Variants in CYP20A1 observed in about 807,000 individuals in gnomAD.
CYP20A1 encodes the protein cytochrome P450 family 20 subfamily A member 1, also known as cytochrome P450 20A1.
A neutral mutation model predicts 61.4 loss-of-function variants in CYP20A1; 61 were observed. The observed-to-expected ratio is 0.99, with a 90% CI of 0.81 to 1.23. The LOEUF (loss-of-function observed/expected upper bound fraction) is 1.23, where lower values mean the gene tolerates loss of function less well. Among genes scored for constraint, CYP20A1 ranks in the 50% most tolerant of loss-of-function variants. CYP20A1 has a pLI of 0.00. For missense variants in CYP20A1, 530 were observed against 542.4 expected, an observed-to-expected ratio of 0.98 and a Z score of 0.23; for synonymous variants, 193 against 188.2, an observed-to-expected ratio of 1.03 and a Z score of -0.21.
In CYP20A1 at chr2:203,301,366, ACCT is replaced by A. The variant is rs1030531513; in HGVS notation, c.*4460_*4462del. ...CCACCTCCTGGGCTCCAGCGATCTC[ACCT>A]CAGCCTCTAGAATAGCTGGGACTAC... On this transcript the variant is annotated 3_prime_UTR_variant, in exon 13 of 13. Coordinates refer to ENST00000356079, the MANE Select transcript of CYP20A1 (RefSeq NM_177538.3). Among the ~76,000 whole-genome samples, 3 of 150,384 alleles carry A rather than the reference ACCT, an allele frequency of 2.0e-5. No individual in the cohort carries two copies. The highest frequency in any genetic ancestry group is 7.4e-5 in the African/African-American group (3 of 40,812).
chr2:203,255,468 G>A (rs915744929), intron 4 of CYP20A1, among the ~76,000 whole-genome samples: 1 of 152,112 alleles, frequency 6.6e-6, no homozygotes, highest in African/African-American at 2.4e-5. Context: ...TTTGAGATTT[G>A]TATTGGTTTA....
intron 10 of CYP20A1, among the ~76,000 whole-genome samples, chr2:203,291,563 C>A (rs2068533445): frequency 6.6e-6 from 1 of 152,030 alleles, no homozygotes; most frequent in African/African-American, 2.4e-5. Flanking sequence ...ATAACTTTCA[C>A]TCATTTTTCT....
chr2:203,287,106 C>T (rs771824651), intron 9 of CYP20A1, among the ~76,000 whole-genome samples: 4 of 148,720 alleles, frequency 2.7e-5, no homozygotes, highest in Admixed American at 6.9e-5. Context: ...GTAGTCCTAG[C>T]TACTCAGGAG....
In CYP20A1 at chr2:203,301,683, G is replaced by A. The variant is rs1333053282; in HGVS notation, c.*4775G>A. The stretch of plus-strand genomic sequence containing the variant: ...GGAAAATTAAAAAAACTTACATAGT[G>A]CTTATTTGGCCCACAAAAGTACAGT... On this transcript the variant is annotated 3_prime_UTR_variant, in exon 13 of 13. Coordinates refer to ENST00000356079, the MANE Select transcript of CYP20A1 (RefSeq NM_177538.3). Among the ~76,000 whole-genome samples, 1 of 151,954 alleles carries A rather than the reference G, an allele frequency of 6.6e-6. No individual in the cohort carries two copies. The highest frequency in any genetic ancestry group is 2.4e-5 in the African/African-American group (1 of 41,374).
intron 10 of CYP20A1, among the ~76,000 whole-genome samples, chr2:203,290,327 A>G (rs112871427): frequency 6.6e-6 from 1 of 152,224 alleles, no homozygotes; most frequent in Admixed American, 6.5e-5. Context: ...TTACAAAATA[A>G]TATGTGCTTG....
rs1476852969 is a variant in CYP20A1 at position 203,304,052 on chromosome 2, T to G, written c.*7144T>G. Among the ~76,000 whole-genome samples the G allele has an allele frequency of 6.6e-6, 1 of 151,664 alleles. No homozygotes were observed. Among genetic ancestry groups the G allele is most frequent in the Non-Finnish European group, 1.5e-5 (1 of 67,934 alleles). The stretch of plus-strand genomic sequence containing the variant: ...CTGGCCAACATGGGGAAACCGCATC[T>G]CTACTAAAAATACAAAAATTAGTGG... On this transcript the variant is annotated 3_prime_UTR_variant, in exon 13 of 13. Coordinates refer to ENST00000356079, the MANE Select transcript of CYP20A1 (RefSeq NM_177538.3).
intron 7 of CYP20A1, among the ~76,000 whole-genome samples, chr2:203,279,325 A>C (rs2067952869): frequency 6.6e-6 from 1 of 152,188 alleles, no homozygotes; most frequent in Non-Finnish European, 1.5e-5. Context: ...TCTATTATTT[A>C]GCTCTTTGAG....
chr2:203,255,214 C>T (rs1345434924), intron 4 of CYP20A1, among the ~76,000 whole-genome samples: 1 of 152,126 alleles, frequency 6.6e-6, no homozygotes. Flanking sequence ...TACCTCTTGG[C>T]AGTCTGATGA....
chr2:203,304,072 TAGTG>T lies in CYP20A1; in HGVS notation c.*7165_*7168del, dbSNP rs2069128787. Among the ~76,000 whole-genome samples the T allele has an allele frequency of 1.3e-5, 2 of 151,474 alleles. No individual in the cohort carries two copies. The highest frequency in any genetic ancestry group is 2.9e-5 in the Non-Finnish European group (2 of 67,886). On this transcript the variant is annotated 3_prime_UTR_variant, in exon 13 of 13. Coordinates refer to ENST00000356079, the MANE Select transcript of CYP20A1 (RefSeq NM_177538.3). ...GCATCTCTACTAAAAATACAAAAAT[TAGTG>T]GGTGTGGAGGCGGGCGAATGTAATC...
chr2:203,276,157 G>T (rs1165720368), intron 6 of CYP20A1, among the ~76,000 whole-genome samples: 6 of 152,184 alleles, frequency 3.9e-5, no homozygotes, highest in Non-Finnish European at 8.8e-5. Flanking sequence ...CAGAGTCCTT[G>T]AAGTAGGACT....
intron 6 of CYP20A1, among the ~76,000 whole-genome samples, chr2:203,276,961 G>T (rs2067845746): frequency 6.6e-6 from 1 of 152,146 alleles, no homozygotes; most frequent in African/African-American, 2.4e-5. Flanking sequence ...TCAAGAGATT[G>T]AAAAAGAATC....
Position 203,246,768 on chromosome 2 carries a change from C to T in CYP20A1, c.136C>T (p.Pro46Ser), listed in dbSNP as rs754972297. The part of the protein sequence containing the change: ...TPTEEKDGNL[P>S]DIVNSGSLHE... The stretch of plus-strand genomic sequence containing the variant: ...CTCTTTTGCCAGAGATGGTAATCTT[C>T]CAGATATTGTGAATAGTGGAAGTTT... The change falls in exon 3 of 13, where the codon CCA (proline) becomes TCA (serine). Residue 46 changes from proline to serine, a missense_variant. By Grantham distance (74) the Pro-to-Ser change is moderately conservative. Transcript: ENST00000356079. 1.9e-6 allele frequency: 3 copies of T among 1,613,206 alleles called. No homozygotes were observed. Among genetic ancestry groups the T allele is most frequent in the Non-Finnish European group, 1.7e-6 (2 of 1,179,792 alleles).
chr2:203,275,631 G>A (rs1462982318), intron 6 of CYP20A1, among the ~76,000 whole-genome samples: 1 of 151,920 alleles, frequency 6.6e-6, no homozygotes, highest in African/African-American at 2.4e-5. Flanking sequence ...GTACAGACGG[G>A]GTTTCACCAT....
intron 6 of CYP20A1, among the ~76,000 whole-genome samples, chr2:203,275,627 A>G (rs2067787331): frequency 6.6e-6 from 1 of 152,006 alleles, no homozygotes; most frequent in African/African-American, 2.4e-5. Context: ...TTTAGTACAG[A>G]CGGGGTTTCA....
chr2:203,249,516 C>T (rs1193828144), intron 3 of CYP20A1, among the ~76,000 whole-genome samples: 2 of 151,946 alleles, frequency 1.3e-5, no homozygotes, highest in Non-Finnish European at 2.9e-5. Context: ...AATTTACCAC[C>T]AATATGTTAA....
intron 4 of CYP20A1, among the ~76,000 whole-genome samples, chr2:203,254,540 C>G (rs1024052486): frequency 7.4e-5 from 11 of 147,878 alleles, no homozygotes; most frequent in Non-Finnish European, 1.5e-4. Flanking sequence ...CAGAGCTAGA[C>G]TCGTCTCAAA....
chr2:203,272,972 G>A (rs748113565), intron 6 of CYP20A1, among the ~76,000 whole-genome samples: 1 of 151,390 alleles, frequency 6.6e-6, no homozygotes, highest in African/African-American at 2.4e-5. Flanking sequence ...TCAGCCTCCC[G>A]AGTAGCTGGG....
At chr2:203,253,793 T>C (rs1400698775) in intron 4 of CYP20A1, among the ~76,000 whole-genome samples, 1 of 151,934 alleles carries the variant, frequency 6.6e-6, no homozygotes, top group Non-Finnish European at 1.5e-5. Flanking sequence ...AATTTGTCTT[T>C]TTCTTTTTCT....
Position 203,278,707 on chromosome 2 carries a change from G to A in CYP20A1, c.795+19G>A. 7.4e-7 allele frequency: 1 copy of A among 1,342,320 alleles called. No individual in the cohort carries two copies. Among genetic ancestry groups the A allele is most frequent in the African/African-American group, 1.5e-5 (1 of 67,718 alleles). 83.2% of individuals were successfully genotyped at this position (1,342,320 alleles called of 1,614,324 possible). On this transcript the variant is annotated intron_variant, in intron 7 of 12. Transcript: ENST00000356079. ...CCAACAGGTGATATAATTGTTAAAT[G>A]TTTATCAGGTAAAAAAATAAGCCAG...
Sources: allele counts gnomAD v4.1 joint callset (sites outside exome capture counted in the v4.1 genomes callset), GRCh38; gene constraint gnomAD v4.1.1; transcripts MANE v1.5; gene names NCBI Gene and HGNC (gene_info 2026-07-23, HGNC 2026-07-21).